TEPSIN: variants seen among roughly 807,000 people sequenced by gnomAD.
The protein encoded by TEPSIN is TEPSIN adaptor related protein complex 4 accessory protein.
A neutral mutation model predicts 48.5 loss-of-function variants in TEPSIN; 50 were observed. The ratio of observed to expected loss-of-function variants is 1.03; its 90% confidence interval spans 0.82 to 1.31. The LOEUF (loss-of-function observed/expected upper bound fraction) is 1.31. Among genes scored for constraint, TEPSIN ranks in the 50% most tolerant of loss-of-function variants. The probability of loss-of-function intolerance (pLI) is 0.00; values close to 1 mark genes in which losing one functional copy is unlikely to be tolerated. For synonymous variants in TEPSIN, 392 were observed against 358.8 expected (o/e 1.09, Z -1.05); for missense variants, 838 against 815.9 (o/e 1.03, Z -0.33).
chr17:81,230,908 CCT>C lies in TEPSIN; in HGVS notation c.1099-232_1099-231del. On this transcript the variant is annotated intron_variant, in intron 11 of 12. Transcript: ENST00000637944. The surrounding 1 kb of genome is among the most constrained non-coding windows in gnomAD (Gnocchi z 4.2). ...CACCCCCGCTCCCAGACACCAGAGC[CCT>C]GTCTTCACCGCCTTACACCCCAGCT... The C allele has an allele frequency of 3.5e-6, 2 of 577,296 alleles. No individual in the cohort carries two copies. The highest frequency in any genetic ancestry group is 5.9e-6 in the Non-Finnish European group (2 of 337,502). 35.8% of individuals were successfully genotyped at this position (577,296 alleles called of 1,614,324 possible). A position where few individuals can be genotyped will look rare whatever the true frequency, so the allele number is the denominator to read the frequency against.
intron 1 of TEPSIN, chr17:81,238,112 G>A (rs1598364557): frequency 7.1e-6 from 7 of 985,868 alleles, no homozygotes; most frequent in Non-Finnish European, 8.4e-6. Flanking sequence ...ACAAGCATGG[G>A]ACCCACCGCG....
At chr17:81,238,110 G>C (rs1265874362) in intron 1 of TEPSIN, 2 of 985,844 alleles carry the variant, frequency 2.0e-6, no homozygotes, top group African/African-American at 3.5e-5. Context: ...GGACAAGCAT[G>C]GGACCCACCG....
chr17:81,236,339 C>T (rs74975598), intron 4 of TEPSIN, among the ~76,000 whole-genome samples: 195 of 152,342 alleles, frequency 1.3e-3, no homozygotes, highest in East Asian at 0.012. Context: ...ACTGAGTCTG[C>T]TATGTGTGGG....
chr17:81,230,932 A>G lies in TEPSIN; in HGVS notation c.1099-254T>C, dbSNP rs150053899. 1,657 of 478,682 alleles carry G rather than the reference A, an allele frequency of 3.5e-3. 5 individuals carry two copies. The highest frequency in any genetic ancestry group is 4.8e-3 in the Non-Finnish European group (1,292 of 269,808). The allele number at this position is 478,682 out of a possible 1,614,324, so 29.7% of individuals were successfully genotyped here. A position where few individuals can be genotyped will look rare whatever the true frequency, so the allele number is the denominator to read the frequency against. ...CCCTGTCTTCACCGCCTTACACCCCAGCTCCCGGACACCAGAGCCATGTCC... is the reference window on the plus strand; with the variant it reads ...CCCTGTCTTCACCGCCTTACACCCCGGCTCCCGGACACCAGAGCCATGTCC... On this transcript the variant is annotated intron_variant, in intron 11 of 12. Coordinates refer to ENST00000637944, the MANE Select transcript of TEPSIN (RefSeq NM_001363764.2). This position sits in a 1 kb window ranked among gnomAD's most constrained non-coding sequence, Gnocchi z 4.2.
chr17:81,232,076 C>A, intron 8 of TEPSIN, 55 bp from the exon 9 acceptor site: 1 of 1,569,490 alleles, frequency 6.4e-7, no homozygotes, highest in South Asian at 1.1e-5. Flanking sequence ...CAGCCCCATG[C>A]CCACCTCCCG....
At chr17:81,238,483 C>A in intron 1 of TEPSIN, 1 of 503,492 alleles carries the variant, frequency 2.0e-6, no homozygotes, top group Non-Finnish European at 2.6e-6. Context: ...CCGGCCTCTA[C>A]TTCTCAGAGG....
chr17:81,238,003 G>A (rs1043985797), intron 1 of TEPSIN: 3 of 996,626 alleles, frequency 3.0e-6, no homozygotes, highest in Non-Finnish European at 3.6e-6. Context: ...CTTACTTACT[G>A]GCACAAAGAT....
chr17:81,237,510 G>T, intron 1 of TEPSIN, 51 bp from the exon 2 acceptor site: 1 of 1,551,142 alleles, frequency 6.4e-7, no homozygotes, highest in South Asian at 1.2e-5. Context: ...TTCCCACAGG[G>T]GTGAATCCGC....
In TEPSIN at chr17:81,234,155, C is replaced by A; in HGVS notation, c.308-107G>T. 1 of 984,480 alleles carries A rather than the reference C, an allele frequency of 1.0e-6. No individual in the cohort carries two copies. The highest frequency in any genetic ancestry group is 1.4e-6 in the Non-Finnish European group (1 of 693,418). The allele number at this position is 984,480 out of a possible 1,614,324, so 61.0% of individuals were successfully genotyped here. On this transcript the variant is annotated intron_variant, in intron 4 of 12. Transcript: ENST00000637944. The surrounding 1 kb of genome is among the most constrained non-coding windows in gnomAD (Gnocchi z 5.4). ...CTCCAGGGTGGCAAGTTCCTGCCAC[C>A]AAGGCCCTTCTGTCACAGCCAATGG... is the stretch of plus-strand genomic sequence containing the variant.
At chr17:81,231,281 A>T in intron 11 of TEPSIN, 117 bp downstream of exon 11, 1 of 1,096,296 alleles carries the variant, frequency 9.1e-7, no homozygotes. Flanking sequence ...AGCCACACAG[A>T]GGAATGTTCA....
rs578062103 is a variant in TEPSIN at position 81,230,955 on chromosome 17, T to C, written c.1099-277A>G. 3.8e-6 allele frequency: 2 copies of C among 523,762 alleles called. No individual in the cohort carries two copies. Among genetic ancestry groups the C allele is most frequent in the East Asian group, 6.8e-5 (2 of 29,476 alleles). 32.4% of individuals were successfully genotyped at this position (523,762 alleles called of 1,614,324 possible). A position where few individuals can be genotyped will look rare whatever the true frequency, so the allele number is the denominator to read the frequency against. ...CCAGCTCCCGGACACCAGAGCCATG[T>C]CCTCCCCGGCTCCTGGACAGACCCC... On this transcript the variant is annotated intron_variant, in intron 11 of 12. Coordinates refer to ENST00000637944, the MANE Select transcript of TEPSIN (RefSeq NM_001363764.2). The surrounding 1 kb of genome is among the most constrained non-coding windows in gnomAD (Gnocchi z 4.2).
Position 81,232,410 on chromosome 17 carries a change from C to A in TEPSIN, c.635G>T (p.Arg212Leu), listed in dbSNP as rs1033953731. The change falls in exon 8 of 13, where the codon CGG (arginine) becomes CTG (leucine). Residue 212 changes from arginine to leucine, a missense_variant. By Grantham distance (102) the Arg-to-Leu change is moderately radical (BLOSUM62 -2). Coordinates refer to ENST00000637944, the MANE Select transcript of TEPSIN (RefSeq NM_001363764.2). ...ESPSTRRLLP[R>L]GDTYQPAMMP... is the part of the protein sequence containing the mutation. ...CATGGCAGGCTGGTAGGTGTCACCC[C>A]GCGGCAGGAGCCTCCGGGTACTGGG... 2.0e-5 allele frequency: 30 copies of A among 1,535,650 alleles called. No individual in the cohort carries two copies. Among genetic ancestry groups the A allele is most frequent in the Non-Finnish European group, 2.6e-5 (30 of 1,146,690 alleles).
chr17:81,230,409 C>A lies in TEPSIN; in HGVS notation c.1233+135G>T. ...GACTTGCTGCTGCTCCCTCTGCCAG[C>A]GGGACAGGGACTTGAGAGGGGGTCC... On this transcript the variant is annotated intron_variant, in intron 12 of 12. Coordinates refer to ENST00000637944, the MANE Select transcript of TEPSIN (RefSeq NM_001363764.2). This position sits in a 1 kb window ranked among gnomAD's most constrained non-coding sequence, Gnocchi z 4.2. 2 of 1,261,674 alleles carry A rather than the reference C, an allele frequency of 1.6e-6. No homozygotes were observed. Among genetic ancestry groups the A allele is most frequent in the Non-Finnish European group, 1.1e-6 (1 of 928,774 alleles). 78.2% of individuals were successfully genotyped at this position (1,261,674 alleles called of 1,614,324 possible). A position where few individuals can be genotyped will look rare whatever the true frequency, so the allele number is the denominator to read the frequency against.
chr17:81,236,931 C>T (rs2062732945), intron 3 of TEPSIN, 49 bp downstream of exon 3: 1 of 1,539,046 alleles, frequency 6.5e-7, no homozygotes, highest in African/African-American at 1.4e-5. Context: ...CCATCCTCAC[C>T]ACCGTGGGCC....
At position 81,229,430 on chromosome 17, in the gene TEPSIN, C is replaced by T. The variant is rs531716547; in HGVS notation, c.1280G>A (p.Arg427Gln). The T allele has an allele frequency of 5.6e-5, 87 of 1,549,916 alleles. No individual in the cohort carries two copies. The Admixed American group carries it at 7.7e-4, about 14-fold the overall frequency. Residue 427 changes from arginine (R) to glutamine (Q), a missense_variant, in exon 13 of 13, where the codon CGG becomes CAG. Transcript: ENST00000637944. ...EASCGQLSPA[R>Q]GTSAEPGPTA... ...GGGGCCAGGCTCAGCTGAGGTGCCCCGGGCAGGGGACAGCTGCCCACAGGA... is the reference window on the plus strand; with the variant it reads ...GGGGCCAGGCTCAGCTGAGGTGCCCTGGGCAGGGGACAGCTGCCCACAGGA...
At chr17:81,232,134 G>T in intron 8 of TEPSIN, 113 bp from the exon 9 acceptor site, 1 of 1,389,452 alleles carries the variant, frequency 7.2e-7, no homozygotes, top group Non-Finnish European at 9.6e-7. Flanking sequence ...AGCTGAGGAT[G>T]GGTGGCCACC....
At position 81,234,323 on chromosome 17, in the gene TEPSIN, G is replaced by C. The variant is rs1026843139; in HGVS notation, c.308-275C>G. ...TCGGCAACCCCTGGTGCCTGAGCGGGTGTGGCCTCCCCGAAGCCCACTCTC... is the reference window on the plus strand; with the variant it reads ...TCGGCAACCCCTGGTGCCTGAGCGGCTGTGGCCTCCCCGAAGCCCACTCTC... On this transcript the variant is annotated intron_variant, in intron 4 of 12. Transcript: ENST00000637944. The surrounding 1 kb of genome is among the most constrained non-coding windows in gnomAD (Gnocchi z 5.4). The C allele has an allele frequency of 2.9e-6, 1 of 346,164 alleles. No individual in the cohort carries two copies. The highest frequency in any genetic ancestry group is 2.1e-5 in the African/African-American group (1 of 47,032). The allele number at this position is 346,164 out of a possible 1,614,324, so 21.4% of individuals were successfully genotyped here. A position where few individuals can be genotyped will look rare whatever the true frequency, so the allele number is the denominator to read the frequency against.
At position 81,230,732 on chromosome 17, in the gene TEPSIN, G is replaced by T; in HGVS notation, c.1099-54C>A. ...CCCATGGGGCAGCAGGTCCACGCCAGGGAGGCCTATTTGGCCATCTCTCTC... is the reference window on the plus strand; with the variant it reads ...CCCATGGGGCAGCAGGTCCACGCCATGGAGGCCTATTTGGCCATCTCTCTC... On this transcript the variant is annotated intron_variant, in intron 11 of 12. Coordinates refer to ENST00000637944, the MANE Select transcript of TEPSIN (RefSeq NM_001363764.2). The surrounding 1 kb of genome is among the most constrained non-coding windows in gnomAD (Gnocchi z 4.2). The T allele has an allele frequency of 6.8e-7, 1 of 1,469,326 alleles. No homozygotes were observed. The allele number at this position is 1,469,326 out of a possible 1,614,324, so 91.0% of individuals were successfully genotyped here.
At chr17:81,237,108 G>C in intron 2 of TEPSIN, 37 bp from the exon 3 acceptor site, 1 of 1,548,346 alleles carries the variant, frequency 6.5e-7, no homozygotes, top group Non-Finnish European at 8.7e-7. Context: ...GCGAGATGAT[G>C]AGGGCTGCGC....
Sources: gnomAD v4.1 joint callset for allele counts (sites outside exome capture counted in the v4.1 genomes callset) on GRCh38, gnomAD v4.1.1 for gene constraint, Gnocchi (gnomAD v3.1) non-coding constraint, MANE v1.5 for transcripts, NCBI Gene and HGNC (gene_info 2026-07-23, HGNC 2026-07-21) for gene names.